CCDC171: variants seen among roughly 807,000 people sequenced by gnomAD.
CCDC171 encodes the protein coiled-coil domain containing 171, also known as coiled-coil domain-containing protein 171.
In CCDC171, 177 loss-of-function variants were observed where a neutral mutation model predicts 168.2. The ratio of observed to expected loss-of-function variants is 1.05; its 90% CI spans 0.93 to 1.19. CCDC171 has a LOEUF of 1.19. CCDC171 is among the 50% of genes most tolerant of loss of function. The pLI is 0.00. For synonymous variants in CCDC171, 687 were observed against 540.8 expected (o/e 1.27, Z -3.75); for missense variants, 1,991 against 1,539.0 (o/e 1.29, Z -4.91).
At chr9:15,826,027 T>A (rs2136173460) in intron 21 of CCDC171, among the ~76,000 whole-genome samples, 1 of 152,206 alleles carries the variant, frequency 6.6e-6, no homozygotes, top group Admixed American at 6.5e-5. Flanking sequence ...CCTGGTTCTA[T>A]CCTCTATGGC....
At chr9:16,002,011 G>A (rs1253309703) in intron 3 of CCDC171, among the ~76,000 whole-genome samples, 1 of 151,224 alleles carries the variant, frequency 6.6e-6, no homozygotes, top group East Asian at 2.0e-4. Context: ...CTGATTTTTT[G>A]TAGAGACAGG....
chr9:15,900,839 T>G (rs1480871464), intron 24 of CCDC171, among the ~76,000 whole-genome samples: 1 of 152,120 alleles, frequency 6.6e-6, no homozygotes, highest in Non-Finnish European at 1.5e-5. Flanking sequence ...TTACTCATGG[T>G]TTTTGTTTCT....
At chr9:15,922,854 G>T (rs1021467314) in intron 25 of CCDC171, among the ~76,000 whole-genome samples, 1 of 151,382 alleles carries the variant, frequency 6.6e-6, no homozygotes, top group African/African-American at 2.4e-5. Context: ...AAGTCCATTT[G>T]TATGTCTTCT....
intron 24 of CCDC171, chr9:15,875,440 T>A (rs1817713719): frequency 6.6e-6 from 1 of 151,984 alleles, no homozygotes; most frequent in South Asian, 2.1e-4. Flanking sequence ...TGAAATTCAG[T>A]GTGTCCTTTT....
At chr9:15,745,733 A>C in intron 18 of CCDC171, 102 bp downstream of exon 18, 1 of 624,028 alleles carries the variant, frequency 1.6e-6, no homozygotes, top group South Asian at 2.7e-5. Flanking sequence ...GGGGAAATAT[A>C]TTTGTTTTTA....
chr9:15,667,763 G>C (rs1191054743), intron 9 of CCDC171, among the ~76,000 whole-genome samples: 2 of 152,268 alleles, frequency 1.3e-5, no homozygotes, highest in African/African-American at 4.8e-5. Flanking sequence ...GCACCTGAAA[G>C]ACTGAAAACA....
At chr9:15,994,274 A>T (rs1394294784) in intron 3 of CCDC171, among the ~76,000 whole-genome samples, 1 of 152,186 alleles carries the variant, frequency 6.6e-6, no homozygotes, top group Non-Finnish European at 1.5e-5. Flanking sequence ...GGATGAGTTC[A>T]TGTCCTTTGT....
At chr9:15,789,046 C>T (rs564024495) in intron 21 of CCDC171, among the ~76,000 whole-genome samples, 53 of 152,062 alleles carry the variant, frequency 3.5e-4, no homozygotes, top group African/African-American at 1.2e-3. Flanking sequence ...TATTGTCAAA[C>T]GTCAGTATGT....
intron 7 of CCDC171, among the ~76,000 whole-genome samples, chr9:15,645,149 C>T (rs994466430): frequency 2.6e-5 from 4 of 152,210 alleles, no homozygotes; most frequent in African/African-American, 4.8e-5. Flanking sequence ...AGTGGACCTC[C>T]AGCAAACTCC....
At chr9:15,994,584 A>G (rs759435970) in intron 3 of CCDC171, among the ~76,000 whole-genome samples, 1 of 152,044 alleles carries the variant, frequency 6.6e-6, no homozygotes, top group Non-Finnish European at 1.5e-5. Flanking sequence ...TAAAGTATAT[A>G]TAAAAAAAAG....
In CCDC171 at chr9:15,993,910, T is replaced by G. The variant is rs980925695; in HGVS notation, n.369-26679T>G. 2.0e-5 allele frequency among the ~76,000 whole-genome samples: 3 copies of G among 152,196 alleles called. No homozygotes were observed. The South Asian group carries it at 6.2e-4, about 32-fold the overall frequency. ...AGATACCATCTTACACCAGTTAGAA[T>G]GGTGATCATTGAAAAGTCAGGAAAT... On this transcript the variant is annotated intron_variant and non_coding_transcript_variant, in intron 3 of 9. Coordinates refer to the CCDC171 transcript ENST00000486641.
chr9:15,931,248 T>A (rs2132139993), intron 25 of CCDC171, among the ~76,000 whole-genome samples: 1 of 151,758 alleles, frequency 6.6e-6, no homozygotes, highest in African/African-American at 2.4e-5. Context: ...TTACCAACAT[T>A]TGTTTTCTTT....
At position 15,966,848 on chromosome 9, in the gene CCDC171, A is replaced by T. The variant is rs193178700; in HGVS notation, c.3754-4761A>T. Among the ~76,000 whole-genome samples, 3 of 152,256 alleles carry T rather than the reference A, an allele frequency of 2.0e-5. No homozygotes were observed. The East Asian group carries it at 5.8e-4, about 29-fold the overall frequency. ...CTAAAAGTTAGAACTGGTAACTACC[A>T]TATGAGAAATAAATATTGGATGGCA... is the stretch of plus-strand genomic sequence containing the variant. On this transcript the variant is annotated intron_variant, in intron 25 of 25. Transcript: ENST00000380701.
At chr9:15,584,247 T>G (rs574200877) in intron 4 of CCDC171, among the ~76,000 whole-genome samples, 1 of 152,328 alleles carries the variant, frequency 6.6e-6, no homozygotes, top group South Asian at 2.1e-4. Context: ...TCAGAAGTAT[T>G]TTTGATTATG....
At chr9:16,096,268 T>C in the CCDC171 span, among the ~76,000 whole-genome samples, 1 of 152,080 alleles carries the variant, frequency 6.6e-6, no homozygotes, top group Non-Finnish European at 1.5e-5. Context: ...CATAGTAAAT[T>C]AAAGAAAGGA....
intron 16 of CCDC171, among the ~76,000 whole-genome samples, chr9:15,730,873 G>C (rs771252132): frequency 6.8e-4 from 103 of 151,870 alleles, no homozygotes; most frequent in Non-Finnish European, 1.3e-3. Flanking sequence ...ATTTTGTAGA[G>C]GTAGCATTGA....
chr9:16,037,251 T>C (rs1474410809), intron 8 of CCDC171, among the ~76,000 whole-genome samples: 1 of 152,228 alleles, frequency 6.6e-6, no homozygotes, highest in Non-Finnish European at 1.5e-5. Flanking sequence ...TGCCACTCTG[T>C]ACCCAATAAA....
chr9:15,842,379 C>A (rs759659150), intron 21 of CCDC171, among the ~76,000 whole-genome samples: 1 of 151,940 alleles, frequency 6.6e-6, no homozygotes, highest in South Asian at 2.1e-4. Context: ...GATATGCATA[C>A]CCTTTAAGAT....
chr9:15,575,829 C>T (rs1167700212), intron 3 of CCDC171, among the ~76,000 whole-genome samples: 3 of 152,172 alleles, frequency 2.0e-5, no homozygotes, highest in Non-Finnish European at 4.4e-5. Flanking sequence ...CCATGGCTCA[C>T]GCCTGTAATC....
Sources: allele counts gnomAD v4.1 joint callset (sites outside exome capture counted in the v4.1 genomes callset), GRCh38; gene constraint gnomAD v4.1.1; transcripts MANE v1.5; gene names NCBI Gene and HGNC (gene_info 2026-07-23, HGNC 2026-07-21).